The following SLC22A4 variants were observed in gnomAD, a reference collection of about 807,000 sequenced individuals.
The protein encoded by SLC22A4 is solute carrier family 22 member 4.
Under a neutral mutation model 56.6 loss-of-function variants are expected in SLC22A4, and 39 were observed. The ratio of observed to expected loss-of-function variants is 0.69; its 90% CI spans 0.53 to 0.90. The LOEUF (loss-of-function observed/expected upper bound fraction) is 0.90. Ranked by LOEUF, SLC22A4 falls within the 40% of genes least tolerant of loss-of-function variation. The pLI, the probability that SLC22A4 is intolerant of heterozygous loss-of-function variation, is 0.00. For synonymous variants in SLC22A4, 241 were observed against 281.4 expected, an observed-to-expected ratio of 0.86 and a Z score of 1.44; for missense variants, 594 against 696.5, an observed-to-expected ratio of 0.85 and a Z score of 1.66.
intron 9 of SLC22A4, among the ~76,000 whole-genome samples, chr5:132,341,924 G>A (rs949720187): frequency 1.3e-5 from 2 of 152,002 alleles, no homozygotes; most frequent in African/African-American, 2.4e-5. Context: ...TCCAGTCTGC[G>A]TGACAGAGCG....
intron 1 of SLC22A4, among the ~76,000 whole-genome samples, chr5:132,296,758 T>C (rs1749787774): frequency 1.3e-5 from 2 of 152,260 alleles, no homozygotes; most frequent in African/African-American, 2.4e-5. Context: ...GTGCCTGTTA[T>C]GGAGGCTGGA....
chr5:132,335,815 C>T lies in SLC22A4; in HGVS notation c.1262-3C>T. On this transcript the variant is annotated splice_region_variant and splice_polypyrimidine_tract_variant and intron_variant, in intron 7 of 9. Coordinates refer to ENST00000200652, the MANE Select transcript of SLC22A4 (RefSeq NM_003059.3). ...CATTGTTTATACCGGGTCTCTTTTC[C>T]AGATTATTACTTCTTATCCATTGGT... 6.2e-7 allele frequency: 1 copy of T among 1,612,900 alleles called. No homozygotes were observed. Among genetic ancestry groups the T allele is most frequent in the Non-Finnish European group, 8.5e-7 (1 of 1,178,950 alleles).
At chr5:132,299,980 A>G (rs1356171005) in intron 1 of SLC22A4, among the ~76,000 whole-genome samples, 3 of 152,142 alleles carry the variant, frequency 2.0e-5, no homozygotes, top group Non-Finnish European at 4.4e-5. Context: ...CCCTTTTTCT[A>G]TCGTAGGATC....
intron 1 of SLC22A4, among the ~76,000 whole-genome samples, chr5:132,300,171 A>T (rs1424622888): frequency 2.6e-5 from 4 of 152,162 alleles, no homozygotes; most frequent in African/African-American, 9.7e-5. Flanking sequence ...CTTTTTGGTA[A>T]TGATACCTTA....
rs1393288541 is a variant in SLC22A4 at position 132,328,913 on chromosome 5, A to G, written c.951+1510A>G. The stretch of plus-strand genomic sequence containing the variant: ...TATATGTGTGTATGTGTATATATAT[A>G]TATATATATATATATATACACACAC... On this transcript the variant is annotated intron_variant, in intron 5 of 9. Transcript: ENST00000200652. Among the ~76,000 whole-genome samples, 313 of 70,518 alleles carry G rather than the reference A, an allele frequency of 4.4e-3. 2 individuals carry two copies. The highest frequency in any genetic ancestry group is 0.024 in the African/African-American group (302 of 12,328). The allele number at this position is 70,518 out of a possible 152,430, so 46.3% of individuals were successfully genotyped here. A position where few individuals can be genotyped will look rare whatever the true frequency, so the allele number is the denominator to read the frequency against.
intron 6 of SLC22A4, among the ~76,000 whole-genome samples, chr5:132,333,635 C>T (rs1750928689): frequency 6.6e-6 from 1 of 151,782 alleles, no homozygotes; most frequent in South Asian, 2.1e-4. Flanking sequence ...CAGGGAGTGT[C>T]CAGTGAAGAG....
intron 3 of SLC22A4, among the ~76,000 whole-genome samples, chr5:132,317,870 TA>T (rs1307377646): frequency 1.3e-5 from 2 of 152,344 alleles, no homozygotes; most frequent in African/African-American, 4.8e-5. Flanking sequence ...AGCTGGCATA[TA>T]AATACGTAAA....
At position 132,296,671 on chromosome 5, in the gene SLC22A4, C is replaced by T. The variant is rs552649919; in HGVS notation, c.393+1662C>T. On this transcript the variant is annotated intron_variant, in intron 1 of 9. Transcript: ENST00000200652. ...CAGGGGCTCTAGTGCTTGCCCACTC[C>T]CTGCCCACAGCATGGCCTGGGAGCA... 2.0e-5 allele frequency among the ~76,000 whole-genome samples: 3 copies of T among 152,354 alleles called. No homozygotes were observed. The South Asian group carries it at 6.2e-4, about 32-fold the overall frequency.
intron 8 of SLC22A4, among the ~76,000 whole-genome samples, chr5:132,340,145 A>G (rs1342453963): frequency 6.7e-6 from 1 of 149,406 alleles, no homozygotes; most frequent in Non-Finnish European, 1.5e-5. Context: ...GTTTGGGCAA[A>G]AGCAGAGTCA....
intron 9 of SLC22A4, among the ~76,000 whole-genome samples, chr5:132,343,048 T>G (rs989789072): frequency 1.1e-4 from 17 of 152,152 alleles, no homozygotes; most frequent in Non-Finnish European, 1.9e-4. Context: ...AAGGGTTGCC[T>G]CATTAGAACA....
At chr5:132,315,023 A>AG (rs938197683) in intron 3 of SLC22A4, among the ~76,000 whole-genome samples, 18 of 152,270 alleles carry the variant, frequency 1.2e-4, no homozygotes, top group African/African-American at 4.3e-4. Context: ...ATTTGTGTAG[A>AG]GGGCACAGGG....
intron 6 of SLC22A4, among the ~76,000 whole-genome samples, chr5:132,333,468 G>T (rs272882): frequency 0.71 from 107,274 of 152,046 alleles, 38,402 homozygotes; most frequent in African/African-American, 0.81. Context: ...GGCAGTTGAG[G>T]TGGTGCCTTC....
intron 1 of SLC22A4, among the ~76,000 whole-genome samples, chr5:132,309,246 C>G (rs1038404077): frequency 6.6e-6 from 1 of 152,240 alleles, no homozygotes; most frequent in Admixed American, 6.5e-5. Context: ...ATACCAGGCC[C>G]CTCACAGCTT....
Position 132,312,184 on chromosome 5 carries a change from CT to C in SLC22A4, c.418del (p.Trp140GlyfsTer12). 1 of 1,612,520 alleles carries C rather than the reference CT, an allele frequency of 6.2e-7. No individual in the cohort carries two copies. Among genetic ancestry groups the C allele is most frequent in the Non-Finnish European group, 8.5e-7 (1 of 1,178,492 alleles). ...AGTGGAATCTGGTGTGTGAGGACAA[CT>C]GGAAGGTGCCCCTCACCACCTCCCT... is the stretch of plus-strand genomic sequence containing the variant. ...TEWNLVCEDNWKVPLTTSLFF... is the reference protein window; with the variant it reads ...TEWNLVCEDNXKVPLTTSLFF... On this transcript the variant is annotated frameshift_variant, in exon 2 of 10. Transcript: ENST00000200652. LOFTEE classifies it high-confidence loss of function.
chr5:132,313,062 G>A (rs772032357), intron 2 of SLC22A4, among the ~76,000 whole-genome samples: 1 of 152,338 alleles, frequency 6.6e-6, no homozygotes, highest in South Asian at 2.1e-4. Flanking sequence ...CAGAGCAGTG[G>A]TTTGCAATTT....
intron 1 of SLC22A4, among the ~76,000 whole-genome samples, chr5:132,305,613 C>T (rs1750008806): frequency 6.6e-6 from 1 of 152,126 alleles, no homozygotes; most frequent in East Asian, 1.9e-4. Flanking sequence ...CATTAGAAAC[C>T]ATAAAGGACA....
At chr5:132,318,568 C>G (rs939869161) in intron 3 of SLC22A4, among the ~76,000 whole-genome samples, 25 of 152,140 alleles carry the variant, frequency 1.6e-4, no homozygotes, top group Admixed American at 1.4e-3. Flanking sequence ...TGTCCTGCCT[C>G]TGTGTGGAAT....
rs1396234543 is a variant in SLC22A4 at position 132,340,656 on chromosome 5, A to T, written c.1536A>T (p.Gly512=). 6.2e-7 allele frequency: 1 copy of T among 1,614,052 alleles called. No individual in the cohort carries two copies. Among genetic ancestry groups the T allele is most frequent in the South Asian group, 1.1e-5 (1 of 91,084 alleles). Residue 512 remains glycine (G), a synonymous_variant, in exon 9 of 10, where the codon GGA becomes GGT. Transcript: ENST00000200652. Reference sequence around the variant, plus strand: ...CCCTTTTTTTCCCTGAAAGTTTGGGAATGACTCTTCCAGAAACCTTAGAGC... The same window carrying T: ...CCCTTTTTTTCCCTGAAAGTTTGGGTATGACTCTTCCAGAAACCTTAGAGC... The part of the protein sequence containing the change: ...ILTLFFPESL[G]MTLPETLEQM...
In SLC22A4 at chr5:132,331,864, G is replaced by A; in HGVS notation, c.1046+14G>A. Reference sequence around the variant, plus strand: ...TTTGCTGCTATGGTAAGTAATAAGTGACCTGGAAATGCAGATATCCAGCAC... The same window carrying A: ...TTTGCTGCTATGGTAAGTAATAAGTAACCTGGAAATGCAGATATCCAGCAC... On this transcript the variant is annotated intron_variant, in intron 6 of 9. Transcript: ENST00000200652. 6.6e-7 allele frequency: 1 copy of A among 1,520,694 alleles called. No individual in the cohort carries two copies. The highest frequency in any genetic ancestry group is 9.1e-7 in the Non-Finnish European group (1 of 1,094,750). The allele number at this position is 1,520,694 out of a possible 1,614,324, so 94.2% of individuals were successfully genotyped here.
Sources: allele counts gnomAD v4.1 joint callset (sites outside exome capture counted in the v4.1 genomes callset), GRCh38; gene constraint gnomAD v4.1.1; transcripts MANE v1.5; gene names NCBI Gene and HGNC (gene_info 2026-07-23, HGNC 2026-07-21).